Variants in ADIPOR2 observed in about 807,000 individuals in gnomAD.
ADIPOR2 encodes the protein adiponectin receptor protein 2.
A neutral mutation model predicts 40.9 loss-of-function variants in ADIPOR2; 18 were observed. That is an observed-to-expected ratio of 0.44 (90% CI 0.30 to 0.65). The LOEUF (loss-of-function observed/expected upper bound fraction) is 0.65, where lower values mean the gene tolerates loss of function less well. Among genes scored for constraint, ADIPOR2 ranks in the 30% least tolerant of loss-of-function variants. The pLI is 0.09. For missense variants in ADIPOR2, 283 were observed against 479.2 expected (o/e 0.59, Z 3.82); for synonymous variants, 165 against 166.4 (o/e 0.99, Z 0.06).
intron 4 of ADIPOR2, chr12:1,780,021 TG>T (rs1344599655): frequency 6.5e-6 from 1 of 153,180 alleles, no homozygotes; most frequent in Non-Finnish European, 1.5e-5. Flanking sequence ...CTGTATTTCT[TG>T]GCAGGGTTTA....
At chr12:1,749,802 A>G (rs976587383) in intron 1 of ADIPOR2, among the ~76,000 whole-genome samples, 1 of 151,778 alleles carries the variant, frequency 6.6e-6, no homozygotes, top group Non-Finnish European at 1.5e-5. Context: ...TATTGCTGAG[A>G]ACATAGTATA....
chr12:1,712,613 C>T (rs936495823), intron 1 of ADIPOR2, among the ~76,000 whole-genome samples: 7 of 152,060 alleles, frequency 4.6e-5, no homozygotes, highest in Non-Finnish European at 1.0e-4. Flanking sequence ...GGAGCTTGTA[C>T]TAGGGCCTGC....
At chr12:1,720,277 G>A (rs2094695268) in intron 1 of ADIPOR2, among the ~76,000 whole-genome samples, 1 of 152,074 alleles carries the variant, frequency 6.6e-6, no homozygotes, top group Non-Finnish European at 1.5e-5. Flanking sequence ...CTTTTGCCAG[G>A]CACTATTTTA....
chr12:1,763,364 G>GT (rs1395045905), intron 2 of ADIPOR2, among the ~76,000 whole-genome samples: 6 of 152,178 alleles, frequency 3.9e-5, no homozygotes, highest in African/African-American at 1.4e-4. Context: ...GGAGGTGGGT[G>GT]TTTCTTCTTT....
chr12:1,700,003 A>G (rs2094647045), intron 1 of ADIPOR2, among the ~76,000 whole-genome samples: 1 of 152,254 alleles, frequency 6.6e-6, no homozygotes. Context: ...GATTATCTTC[A>G]GGCATGGGAA....
intron 7 of ADIPOR2, among the ~76,000 whole-genome samples, chr12:1,785,502 C>T (rs1200833617): frequency 2.0e-5 from 3 of 152,328 alleles, no homozygotes; most frequent in East Asian, 1.9e-4. Flanking sequence ...TAGCTCTAGT[C>T]CTCTTGTCCA....
chr12:1,708,480 A>C (rs1381712624), intron 1 of ADIPOR2, among the ~76,000 whole-genome samples: 4 of 152,124 alleles, frequency 2.6e-5, no homozygotes, highest in Admixed American at 2.6e-4. Context: ...ACCTGTGTTT[A>C]TTTTGGAAGC....
intron 2 of ADIPOR2, chr12:1,758,100 A>AT (rs1862183452): frequency 9.0e-6 from 5 of 556,306 alleles, no homozygotes; most frequent in South Asian, 6.7e-5. Flanking sequence ...ACATTAATTG[A>AT]TTTTTTTATG....
chr12:1,706,232 G>A (rs1425060148), intron 1 of ADIPOR2, among the ~76,000 whole-genome samples: 1 of 152,126 alleles, frequency 6.6e-6, no homozygotes, highest in Non-Finnish European at 1.5e-5. Context: ...GGTAAGTAGA[G>A]ATAATGTTAC....
chr12:1,780,701 T>G, intron 5 of ADIPOR2, 64 bp downstream of exon 5: 1 of 1,445,224 alleles, frequency 6.9e-7, no homozygotes, highest in Admixed American at 2.5e-5. Flanking sequence ...GGGAAAAACA[T>G]TCAGCAGAGT....
chr12:1,761,567 G>A (rs902040800), intron 2 of ADIPOR2, among the ~76,000 whole-genome samples: 33 of 152,322 alleles, frequency 2.2e-4, no homozygotes, highest in African/African-American at 7.0e-4. Flanking sequence ...GGTGTGAAAC[G>A]ATATTTCATC....
chr12:1,773,975 G>T (rs1177111445), intron 3 of ADIPOR2, among the ~76,000 whole-genome samples: 2 of 152,184 alleles, frequency 1.3e-5, no homozygotes, highest in Non-Finnish European at 2.9e-5. Context: ...TTTTCAGGGG[G>T]AGTTTAAACA....
rs530871511 is a variant in ADIPOR2, at chr12:1,742,267, A to T, written c.-86-11991A>T. ...ACCACCACGCCTGGCTTATTTTTGC[A>T]TTTTTTGTAGAGACGGAGTCTTGCC... On this transcript the variant is annotated intron_variant, in intron 1 of 7. Transcript: ENST00000357103. 2.1e-3 allele frequency among the ~76,000 whole-genome samples: 326 copies of T among 152,234 alleles called. 3 individuals are homozygous for T. Among genetic ancestry groups the T allele is most frequent in the African/African-American group, 7.5e-3 (311 of 41,548 alleles).
chr12:1,729,147 CTG>C (rs1434697358), intron 1 of ADIPOR2, among the ~76,000 whole-genome samples: 1 of 152,044 alleles, frequency 6.6e-6, no homozygotes, highest in Non-Finnish European at 1.5e-5. Context: ...CACATCAAGA[CTG>C]TTGGTCTTCC....
chr12:1,697,779 C>G (rs2094642280), intron 1 of ADIPOR2: 1 of 152,256 alleles, frequency 6.6e-6, no homozygotes, highest in South Asian at 2.1e-4. Context: ...CAAGACAGTA[C>G]AGTATAATTG....
chr12:1,739,734 G>A (rs2094738536), intron 1 of ADIPOR2, among the ~76,000 whole-genome samples: 1 of 152,188 alleles, frequency 6.6e-6, no homozygotes, highest in African/African-American at 2.4e-5. Flanking sequence ...GCCTTCTTTA[G>A]AGTGTTATGA....
Position 1,725,147 on chromosome 12 carries a change from G to C in ADIPOR2, c.-86-29111G>C, listed in dbSNP as rs1248472682. Among the ~76,000 whole-genome samples the C allele has an allele frequency of 4.1e-5, 6 of 145,784 alleles. No homozygotes were observed. The Admixed American group carries it at 4.2e-4, about 10-fold the overall frequency. On this transcript the variant is annotated intron_variant, in intron 1 of 7. Coordinates refer to ENST00000357103, the MANE Select transcript of ADIPOR2 (RefSeq NM_024551.3). ...TTTCTTTTTTTTTTTTTTTGAGACAGTTTCACTCTTGTCACCCAGGCTGGA... is the reference window on the plus strand; with the variant it reads ...TTTCTTTTTTTTTTTTTTTGAGACACTTTCACTCTTGTCACCCAGGCTGGA...
At chr12:1,718,057 C>T (rs1295328977) in intron 1 of ADIPOR2, among the ~76,000 whole-genome samples, 4 of 152,030 alleles carry the variant, frequency 2.6e-5, no homozygotes, top group Non-Finnish European at 1.5e-5. Context: ...ACCGTAATAG[C>T]ATCATTTTAC....
intron 6 of ADIPOR2, among the ~76,000 whole-genome samples, 197 bp downstream of exon 6, chr12:1,781,273 T>C (rs1446788906): frequency 6.6e-6 from 1 of 152,154 alleles, no homozygotes; most frequent in Non-Finnish European, 1.5e-5. Flanking sequence ...TGTTTATTAA[T>C]TGTCTTAAAG....
Sources: allele counts gnomAD v4.1 joint callset (sites outside exome capture counted in the v4.1 genomes callset), GRCh38; gene constraint gnomAD v4.1.1; transcripts MANE v1.5; gene names NCBI Gene and HGNC (gene_info 2026-07-23, HGNC 2026-07-21).